Variants in NRG3 observed in about 807,000 individuals in gnomAD.
NRG3 encodes pro-neuregulin-3, membrane-bound isoform.
NRG3 carries 31 observed loss-of-function variants against 66.9 expected under a neutral mutation model. The observed-to-expected ratio is 0.46, with a 90% CI of 0.35 to 0.63. NRG3 has a LOEUF of 0.63. Ranked by LOEUF, NRG3 falls within the 20% of genes least tolerant of loss-of-function variation. NRG3 has a pLI of 0.00. For synonymous variants in NRG3, 393 were observed against 359.4 expected (o/e 1.09, Z -1.06); for missense variants, 910 against 878.9 (o/e 1.04, Z -0.45).
chr10:82,868,840 C>T (rs1461551094), intron 4 of NRG3, among the ~76,000 whole-genome samples: 1 of 152,030 alleles, frequency 6.6e-6, no homozygotes, highest in Non-Finnish European at 1.5e-5. Flanking sequence ...TTACAGGCGC[C>T]TGCCACCACG....
intron 1 of NRG3, among the ~76,000 whole-genome samples, chr10:81,919,174 T>A (rs902271563): frequency 2.6e-5 from 4 of 152,182 alleles, no homozygotes; most frequent in African/African-American, 9.7e-5. Context: ...TAGAACTTCA[T>A]ATGTATGGGA....
intron 2 of NRG3, among the ~76,000 whole-genome samples, chr10:82,631,883 C>T (rs1449953650): frequency 2.0e-5 from 3 of 152,082 alleles, no homozygotes; most frequent in East Asian, 1.9e-4. Flanking sequence ...AGGCAGATCA[C>T]CTGAGGTCAG....
chr10:82,640,793 G>C (rs2133809188), intron 2 of NRG3, among the ~76,000 whole-genome samples: 1 of 152,188 alleles, frequency 6.6e-6, no homozygotes, highest in South Asian at 2.1e-4. Flanking sequence ...ACTTCAAGTG[G>C]TAGATAAATA....
chr10:82,914,917 A>T (rs554266877), intron 4 of NRG3, among the ~76,000 whole-genome samples: 12 of 152,272 alleles, frequency 7.9e-5, no homozygotes, highest in African/African-American at 2.6e-4. Flanking sequence ...GCCTTTGTTA[A>T]GGAGAACAGA....
chr10:82,968,016 C>T (rs939035690), intron 6 of NRG3, among the ~76,000 whole-genome samples: 1 of 152,240 alleles, frequency 6.6e-6, no homozygotes, highest in African/African-American at 2.4e-5. Context: ...CCATTATTCT[C>T]TGTATTCACC....
chr10:82,098,140 A>G (rs1420327764), intron 1 of NRG3, among the ~76,000 whole-genome samples: 1 of 151,558 alleles, frequency 6.6e-6, no homozygotes, highest in Non-Finnish European at 1.5e-5. Flanking sequence ...CTCATGTCTC[A>G]TATATAGATG....
intron 1 of NRG3, chr10:81,878,028 T>C: frequency 6.5e-7 from 1 of 1,537,510 alleles, no homozygotes; most frequent in Non-Finnish European, 8.7e-7. Context: ...ACGGTAGGGG[T>C]ATTTCATGTT....
chr10:82,263,814 A>G lies in NRG3; in HGVS notation c.824-94925A>G, dbSNP rs1046535964. Among the ~76,000 whole-genome samples the G allele has an allele frequency of 2.6e-5, 4 of 152,130 alleles. No individual in the cohort carries two copies. In the East Asian group the frequency reaches 5.8e-4, roughly 22 times the overall value. On this transcript the variant is annotated intron_variant, in intron 1 of 8. Transcript: ENST00000372141. ...CAAGCCAAATACAGATAACACCAAA[A>G]TTTTTGCTAAATAAAGGTGATGCAT... is the stretch of plus-strand genomic sequence containing the variant.
intron 1 of NRG3, among the ~76,000 whole-genome samples, chr10:82,281,806 C>T (rs1002732291): frequency 2.0e-5 from 3 of 152,098 alleles, no homozygotes; most frequent in Admixed American, 1.3e-4. Flanking sequence ...ATTTCCCTTG[C>T]CCCATGTCAG....
intron 1 of NRG3, among the ~76,000 whole-genome samples, chr10:81,995,343 T>TG (rs1235252355): frequency 6.6e-6 from 1 of 152,244 alleles, no homozygotes; most frequent in Admixed American, 6.5e-5. Context: ...TGACTGTCCC[T>TG]GCTTTCCTGC....
chr10:82,576,387 C>T (rs577069052), intron 2 of NRG3, among the ~76,000 whole-genome samples: 1 of 151,474 alleles, frequency 6.6e-6, no homozygotes. Flanking sequence ...AAAAATAATT[C>T]CTGCTCCCCT....
intron 2 of NRG3, among the ~76,000 whole-genome samples, chr10:82,558,241 G>A (rs898261625): frequency 6.6e-6 from 1 of 152,148 alleles, no homozygotes; most frequent in Non-Finnish European, 1.5e-5. Context: ...TCAGAATGAT[G>A]CAAAGTCACC....
At chr10:82,044,617 G>A (rs1354712362) in intron 1 of NRG3, among the ~76,000 whole-genome samples, 1 of 151,830 alleles carries the variant, frequency 6.6e-6, no homozygotes, top group African/African-American at 2.4e-5. Context: ...GGGTACATGT[G>A]CACAATGTGC....
chr10:82,790,454 T>C (rs1221490527), intron 3 of NRG3, among the ~76,000 whole-genome samples: 3 of 152,140 alleles, frequency 2.0e-5, no homozygotes, highest in Non-Finnish European at 4.4e-5. Context: ...ACTAATCTCG[T>C]TGGAAATCAT....
intron 4 of NRG3, among the ~76,000 whole-genome samples, chr10:82,892,123 A>G (rs1843205496): frequency 3.9e-5 from 6 of 152,168 alleles, no homozygotes; most frequent in Admixed American, 3.9e-4. Flanking sequence ...GATATATTAT[A>G]CCTTTTAAAT....
intron 4 of NRG3, among the ~76,000 whole-genome samples, chr10:82,868,034 A>G (rs1053288510): frequency 6.6e-6 from 1 of 152,176 alleles, no homozygotes; most frequent in Non-Finnish European, 1.5e-5. Flanking sequence ...GTTCAGCAGA[A>G]TGCCCTCAAA....
At position 82,857,914 on chromosome 10, in the gene NRG3, A is replaced by G. The variant is rs142376679; in HGVS notation, c.1028-7497A>G. 1.3e-3 allele frequency among the ~76,000 whole-genome samples: 196 copies of G among 152,288 alleles called. 3 individuals are homozygous for G. The East Asian group carries it at 0.033, about 26-fold the overall frequency. ...AAAATGCTTGAAAAAGGATGAAGTG[A>G]TAATATCCCTTTCTTTTTAGGACAG... On this transcript the variant is annotated intron_variant, in intron 3 of 8. Transcript: ENST00000372141.
At chr10:82,117,081 C>G (rs983364901) in intron 1 of NRG3, among the ~76,000 whole-genome samples, 2 of 152,098 alleles carry the variant, frequency 1.3e-5, no homozygotes, top group African/African-American at 4.8e-5. Flanking sequence ...TCCATCTGGT[C>G]CACCTTAGAT....
intron 2 of NRG3, among the ~76,000 whole-genome samples, chr10:82,530,866 A>G (rs1431687884): frequency 1.3e-5 from 2 of 151,832 alleles, no homozygotes; most frequent in African/African-American, 4.8e-5. Flanking sequence ...AATGACATCA[A>G]TTTGAGAAGG....
Sources: gnomAD v4.1 joint callset for allele counts (sites outside exome capture counted in the v4.1 genomes callset) on GRCh38, gnomAD v4.1.1 for gene constraint, MANE v1.5 for transcripts, NCBI Gene and HGNC (gene_info 2026-07-23, HGNC 2026-07-21) for gene names.